Variants in EPHA8 observed in about 807,000 individuals in gnomAD.
The protein encoded by EPHA8 is ephrin type-A receptor 8.
A neutral mutation model predicts 103.6 loss-of-function variants in EPHA8; 58 were observed. That is an observed-to-expected ratio of 0.56 (90% CI 0.45 to 0.70). The LOEUF (loss-of-function observed/expected upper bound fraction) is 0.70. EPHA8 is among the 30% of genes least tolerant of loss of function. The probability of loss-of-function intolerance (pLI) is 0.00; values close to 1 mark genes in which losing one functional copy is unlikely to be tolerated. For synonymous variants in EPHA8, 559 were observed against 572.5 expected, an observed-to-expected ratio of 0.98 and a Z score of 0.34; for missense variants, 1,304 against 1,395.2, an observed-to-expected ratio of 0.93 and a Z score of 1.04.
At chr1:22,578,351 T>C (rs1020320370) in intron 3 of EPHA8, among the ~76,000 whole-genome samples, 1 of 150,138 alleles carries the variant, frequency 6.7e-6, no homozygotes, top group African/African-American at 2.5e-5. Flanking sequence ...CATGTGTGTA[T>C]GTGTGCGTGC....
At chr1:22,595,420 T>A in intron 8 of EPHA8, 97 bp downstream of exon 8, 1 of 945,904 alleles carries the variant, frequency 1.1e-6, no homozygotes, top group South Asian at 1.6e-5. Flanking sequence ...CCCGTGTGCC[T>A]GGGGCTGGCT....
rs531153518 is a variant in EPHA8 at position 22,576,989 on chromosome 1, C to T, written c.823+109C>T. 8.0e-7 allele frequency: 1 copy of T among 1,246,390 alleles called. No homozygotes were observed. The highest frequency in any genetic ancestry group is 1.6e-5 in the South Asian group (1 of 63,742). The allele number at this position is 1,246,390 out of a possible 1,614,324, so 77.2% of individuals were successfully genotyped here. ...CAGAGCCCACAGGCACCTGAGTGAC[C>T]CACACAGCCCCTGGGAAGATGGATA... On this transcript the variant is annotated intron_variant, in intron 3 of 16. Transcript: ENST00000166244. This position sits in a 1 kb window ranked among gnomAD's most constrained non-coding sequence, Gnocchi z 4.8.
At position 22,567,616 on chromosome 1, in the gene EPHA8, G is replaced by A. The variant is rs149768555; in HGVS notation, c.95-1673G>A. On this transcript the variant is annotated intron_variant, in intron 1 of 16. Coordinates refer to ENST00000166244, the MANE Select transcript of EPHA8 (RefSeq NM_020526.5). This position sits in a 1 kb window ranked among gnomAD's most constrained non-coding sequence, Gnocchi z 4.2. ...GCCGGCCTCCTTCAGGGTCCCTGAC[G>A]GTGGGGTGGGGAGGGTGAGAGGCAG... Among the ~76,000 whole-genome samples the A allele has an allele frequency of 9.0e-4, 137 of 152,178 alleles. No homozygotes were observed. The highest frequency in any genetic ancestry group is 3.0e-3 in the African/African-American group (125 of 41,528).
intron 2 of EPHA8, among the ~76,000 whole-genome samples, chr1:22,575,626 C>G (rs1163521762): frequency 1.3e-5 from 2 of 152,144 alleles, no homozygotes; most frequent in Non-Finnish European, 2.9e-5. Flanking sequence ...AATTAACACT[C>G]AACTTTCTCA....
intron 3 of EPHA8, among the ~76,000 whole-genome samples, chr1:22,585,044 T>TGCGC (rs1307428143): frequency 4.3e-5 from 5 of 117,348 alleles, no homozygotes; most frequent in African/African-American, 2.3e-4. Context: ...TGTGTGTGTG[T>TGCGC]GTGTGTGCGC....
At chr1:22,585,672 C>G (rs1035303587) in intron 3 of EPHA8, among the ~76,000 whole-genome samples, 7 of 152,196 alleles carry the variant, frequency 4.6e-5, no homozygotes, top group African/African-American at 1.7e-4. Flanking sequence ...GGAGGCAGGG[C>G]TGGAAGCCAA....
chr1:22,594,553 G>C (rs539072835), intron 7 of EPHA8, among the ~76,000 whole-genome samples: 1 of 152,218 alleles, frequency 6.6e-6, no homozygotes, highest in African/African-American at 2.4e-5. Flanking sequence ...CTCTGACTTC[G>C]AGGCTGTCCC....
chr1:22,593,258 GGGAAGGGTTGGGAGAGA>G, intron 5 of EPHA8, 51 bp from the exon 6 acceptor site: 1 of 1,520,168 alleles, frequency 6.6e-7, no homozygotes. Flanking sequence ...GGTGGAACCT[GGGAAGGGTTGGGAGAGA>G]GGCCACGCCT....
In EPHA8 at chr1:22,602,482, A is replaced by G. The variant is rs573227363; in HGVS notation, c.*741A>G. On this transcript the variant is annotated 3_prime_UTR_variant, in exon 17 of 17. Coordinates refer to ENST00000166244, the MANE Select transcript of EPHA8 (RefSeq NM_020526.5). ...CCACCCGGCTCTCACCGCTGCTTCAACAGGAAAACAGGGTTCCCGGTCAGT... is the reference window on the plus strand; with the variant it reads ...CCACCCGGCTCTCACCGCTGCTTCAGCAGGAAAACAGGGTTCCCGGTCAGT... 1 of 153,078 alleles carries G rather than the reference A, an allele frequency of 6.5e-6. No homozygotes were observed. Among genetic ancestry groups the G allele is most frequent in the South Asian group, 2.1e-4 (1 of 4,830 alleles). 9.5% of individuals were successfully genotyped at this position (153,078 alleles called of 1,614,324 possible).
chr1:22,600,837 C>CGGGCGGTGGAGCCTCAGGGTGCAGGGAG, intron 14 of EPHA8, 27 bp downstream of exon 14: 1 of 1,590,338 alleles, frequency 6.3e-7, no homozygotes, highest in Non-Finnish European at 8.6e-7. Flanking sequence ...GGCAGGTCCG[C>CGGGCGGTGGAGCCTCAGGGTGCAGGGAG]GGGCGGTGGA....
chr1:22,595,123 C>A (rs554299542), intron 7 of EPHA8, 107 bp from the exon 8 acceptor site: 3 of 877,936 alleles, frequency 3.4e-6, no homozygotes, highest in African/African-American at 3.4e-5. Context: ...TCTGGGCTCC[C>A]CACTGGCCCC....
chr1:22,584,318 C>A (rs1266586645), intron 3 of EPHA8, among the ~76,000 whole-genome samples: 1 of 152,172 alleles, frequency 6.6e-6, no homozygotes, highest in East Asian at 1.9e-4. Context: ...GAGCTCAGCC[C>A]CCAGGCAGAC....
chr1:22,589,444 G>A lies in EPHA8; in HGVS notation c.1315+238G>A, dbSNP rs1274045810. The A allele has an allele frequency of 1.4e-5, 21 of 1,491,038 alleles. No individual in the cohort carries two copies. The East Asian group carries it at 1.6e-4, about 11-fold the overall frequency. The allele number at this position is 1,491,038 out of a possible 1,614,324, so 92.4% of individuals were successfully genotyped here. ...AGCTCAGAGGCAGGCTAGTGTGGCC[G>A]TCGAAAGCCTAGGTTCCAGAACTTT... On this transcript the variant is annotated intron_variant, in intron 5 of 16. Transcript: ENST00000166244. The surrounding 1 kb of genome is among the most constrained non-coding windows in gnomAD (Gnocchi z 4.3).
At chr1:22,591,732 C>G (rs958466300) in intron 5 of EPHA8, among the ~76,000 whole-genome samples, 1 of 152,156 alleles carries the variant, frequency 6.6e-6, no homozygotes, top group African/African-American at 2.4e-5. Flanking sequence ...TCCTTGAACA[C>G]ACTGGGTCTT....
At chr1:22,568,955 A>G (rs1197467367) in intron 1 of EPHA8, among the ~76,000 whole-genome samples, 2 of 152,238 alleles carry the variant, frequency 1.3e-5, no homozygotes, top group African/African-American at 4.8e-5. Context: ...AAGTGGCACA[A>G]CTGGGATTCA....
At chr1:22,585,984 G>A (rs766161311) in intron 3 of EPHA8, among the ~76,000 whole-genome samples, 7 of 152,126 alleles carry the variant, frequency 4.6e-5, no homozygotes, top group African/African-American at 1.7e-4. Flanking sequence ...CTTTCTAGTC[G>A]CATTCCCAGC....
At chr1:22,572,076 G>C (rs1354568983) in intron 2 of EPHA8, among the ~76,000 whole-genome samples, 1 of 152,190 alleles carries the variant, frequency 6.6e-6, no homozygotes, top group Non-Finnish European at 1.5e-5. Flanking sequence ...CTCCTGCCCA[G>C]CTGGGAGGGG....
intron 1 of EPHA8, among the ~76,000 whole-genome samples, chr1:22,564,312 G>C (rs1640291771): frequency 6.6e-6 from 1 of 151,798 alleles, no homozygotes; most frequent in Admixed American, 6.6e-5. Flanking sequence ...GAGTCTGGGA[G>C]AGGGGTCAGG....
Position 22,597,585 on chromosome 1 carries a change from C to T in EPHA8, c.1931-91C>T. ...GGGAGCGTGTGACCCAGGGGTCTGG[C>T]AAGCCCAGGGGGTCCAAGGGCCTGG... On this transcript the variant is annotated intron_variant, in intron 10 of 16. Coordinates refer to ENST00000166244, the MANE Select transcript of EPHA8 (RefSeq NM_020526.5). This position sits in a 1 kb window ranked among gnomAD's most constrained non-coding sequence, Gnocchi z 4.6. 1.3e-6 allele frequency: 2 copies of T among 1,551,106 alleles called. No individual in the cohort carries two copies. The highest frequency in any genetic ancestry group is 1.2e-5 in the South Asian group (1 of 81,028).
Sources: allele counts gnomAD v4.1 joint callset (sites outside exome capture counted in the v4.1 genomes callset), GRCh38; gene constraint gnomAD v4.1.1; non-coding constraint Gnocchi (gnomAD v3.1); transcripts MANE v1.5; gene names NCBI Gene and HGNC (gene_info 2026-07-23, HGNC 2026-07-21).